The following LAMA4 variants were observed in gnomAD, a reference collection of about 807,000 sequenced individuals.
LAMA4 encodes laminin subunit alpha 4.
Under a neutral mutation model 207.1 loss-of-function variants are expected in LAMA4, and 127 were observed. The ratio of observed to expected loss-of-function variants is 0.61; its 90% CI spans 0.53 to 0.71. The LOEUF is 0.71. LAMA4 is among the 30% of genes least tolerant of loss of function. The probability of loss-of-function intolerance (pLI) is 0.00; values close to 1 mark genes in which losing one functional copy is unlikely to be tolerated. For synonymous variants in LAMA4, 761 were observed against 816.0 expected, an observed-to-expected ratio of 0.93 and a Z score of 1.15; for missense variants, 2,093 against 2,246.5, an observed-to-expected ratio of 0.93 and a Z score of 1.38.
chr6:112,161,065 G>C (rs1249123624), intron 13 of LAMA4, among the ~76,000 whole-genome samples: 1 of 151,808 alleles, frequency 6.6e-6, no homozygotes, highest in African/African-American at 2.4e-5. Context: ...AATTTTTTCT[G>C]GTCTCTTACC....
At chr6:112,128,353 A>T (rs938473275) in intron 31 of LAMA4, among the ~76,000 whole-genome samples, 47 of 152,266 alleles carry the variant, frequency 3.1e-4, no homozygotes, top group African/African-American at 1.1e-3. Flanking sequence ...CAAATACTGC[A>T]TGTTATCATA....
chr6:112,169,098 AG>A (rs1554341008), intron 12 of LAMA4, among the ~76,000 whole-genome samples: 1 of 152,226 alleles, frequency 6.6e-6, no homozygotes, highest in Non-Finnish European at 1.5e-5. Context: ...AAGCCATTGA[AG>A]GCATTTGATG....
chr6:112,132,825 A>G lies in LAMA4; in HGVS notation c.3762T>C (p.Phe1254=), dbSNP rs1779118187. 6.2e-7 allele frequency: 1 copy of G among 1,612,702 alleles called. No homozygotes were observed. Among genetic ancestry groups the G allele is most frequent in the Admixed American group, 1.7e-5 (1 of 59,968 alleles). The change falls in exon 28 of 39, where the codon TTT becomes TTC. Residue 1254 remains phenylalanine, a synonymous_variant. Coordinates refer to ENST00000230538, the MANE Select transcript of LAMA4 (RefSeq NM_001105206.3). ...AATTAAAACCTCCTTCAAAGCCATC[A>G]AAGAAAGATATTTTCTGAATTGAAG... ...FIASIQKISF[F]DGFEGGFNFR... is the part of the protein sequence containing the mutation.
intron 4 of LAMA4, 122 bp downstream of exon 4, chr6:112,206,899 C>G: frequency 8.7e-7 from 1 of 1,147,324 alleles, no homozygotes; most frequent in South Asian, 1.3e-5. Context: ...AGTCTCATCT[C>G]AATATGAGGT....
intron 2 of LAMA4, among the ~76,000 whole-genome samples, chr6:112,228,224 A>G (rs556677115): frequency 1.3e-5 from 2 of 152,340 alleles, no homozygotes; most frequent in East Asian, 3.9e-4. Flanking sequence ...GAAATGGGGG[A>G]ACCAGGAGAA....
chr6:112,165,347 A>G lies in LAMA4; in HGVS notation c.1552-71T>C, dbSNP rs574130469. 3.0e-5 allele frequency: 30 copies of G among 992,726 alleles called. No individual in the cohort carries two copies. The Admixed American group carries it at 5.1e-4, about 17-fold the overall frequency. The allele number at this position is 992,726 out of a possible 1,614,324, so 61.5% of individuals were successfully genotyped here. A position where few individuals can be genotyped will look rare whatever the true frequency, so the allele number is the denominator to read the frequency against. On this transcript the variant is annotated intron_variant, in intron 12 of 38. Coordinates refer to ENST00000230538, the MANE Select transcript of LAMA4 (RefSeq NM_001105206.3). Reference sequence around the variant, plus strand: ...GGGAAAGCGTTGGGGAGAGCAGTAAATGTCAACTTGCTCTCTTTGGACTCA... The same window carrying G: ...GGGAAAGCGTTGGGGAGAGCAGTAAGTGTCAACTTGCTCTCTTTGGACTCA...
chr6:112,234,805 T>G (rs1785788954), intron 2 of LAMA4: 1 of 152,218 alleles, frequency 6.6e-6, no homozygotes, highest in South Asian at 2.1e-4. Context: ...AGGAAAAATG[T>G]GCTTCATCTG....
intron 2 of LAMA4, among the ~76,000 whole-genome samples, chr6:112,231,628 A>G (rs972290891): frequency 6.6e-6 from 1 of 152,110 alleles, no homozygotes; most frequent in Non-Finnish European, 1.5e-5. Context: ...GGATCTGACA[A>G]TGGGCCCTGG....
At chr6:112,149,325 T>A (rs1183428564) in intron 17 of LAMA4, among the ~76,000 whole-genome samples, 1 of 152,126 alleles carries the variant, frequency 6.6e-6, no homozygotes, top group Non-Finnish European at 1.5e-5. Context: ...GTAGTGGTAC[T>A]TATCCCCATG....
chr6:112,229,610 C>T (rs1345481206), intron 2 of LAMA4, among the ~76,000 whole-genome samples: 1 of 152,164 alleles, frequency 6.6e-6, no homozygotes, highest in Non-Finnish European at 1.5e-5. Context: ...GACATAAGTG[C>T]TTCTTACAAG....
At position 112,117,691 on chromosome 6, in the gene LAMA4, C is replaced by T. The variant is rs781949085; in HGVS notation, c.4981+48G>A. ...CCTGATATTCCCTGTTAGCCATCTCCAGGAAGAAGCATTTCATGACTCATA... is the reference window on the plus strand; with the variant it reads ...CCTGATATTCCCTGTTAGCCATCTCTAGGAAGAAGCATTTCATGACTCATA... On this transcript the variant is annotated intron_variant, in intron 35 of 38. Coordinates refer to ENST00000230538, the MANE Select transcript of LAMA4 (RefSeq NM_001105206.3). The surrounding 1 kb of genome is among the most constrained non-coding windows in gnomAD (Gnocchi z 4.5). 1 of 1,567,986 alleles carries T rather than the reference C, an allele frequency of 6.4e-7. No individual in the cohort carries two copies. The highest frequency in any genetic ancestry group is 1.1e-5 in the South Asian group (1 of 89,150).
At chr6:112,212,516 G>T (rs1784408724) in intron 3 of LAMA4, among the ~76,000 whole-genome samples, 1 of 152,096 alleles carries the variant, frequency 6.6e-6, no homozygotes, top group Non-Finnish European at 1.5e-5. Context: ...GAGCCACCGT[G>T]CCCGGCCAGT....
chr6:112,160,426 A>G (rs1230135523), intron 13 of LAMA4, among the ~76,000 whole-genome samples: 2 of 150,752 alleles, frequency 1.3e-5, no homozygotes, highest in African/African-American at 4.9e-5. Context: ...ATGCTCAAGT[A>G]TCTCCCGTCA....
chr6:112,192,366 T>G (rs1368632052), intron 5 of LAMA4, among the ~76,000 whole-genome samples: 1 of 152,186 alleles, frequency 6.6e-6, no homozygotes, highest in African/African-American at 2.4e-5. Context: ...CTTGGGCTCT[T>G]GTTTGAGGGT....
intron 5 of LAMA4, among the ~76,000 whole-genome samples, chr6:112,193,336 G>A (rs1392946144): frequency 6.6e-6 from 1 of 152,022 alleles, no homozygotes; most frequent in Non-Finnish European, 1.5e-5. Context: ...TGTTGGCCTT[G>A]GGAGTGGAAA....
At chr6:112,219,105 A>T (rs1265278509) in intron 2 of LAMA4, 1 of 152,194 alleles carries the variant, frequency 6.6e-6, no homozygotes, top group Non-Finnish European at 1.5e-5. Context: ...GGCTCCAGTG[A>T]GTCCTGTTAT....
intron 13 of LAMA4, among the ~76,000 whole-genome samples, chr6:112,163,364 T>C (rs1554338958): frequency 2.0e-5 from 3 of 151,330 alleles, no homozygotes; most frequent in African/African-American, 7.3e-5. Context: ...CAGAAAAAAA[T>C]AAGAGACAGT....
rs782112966 is a variant in LAMA4 at position 112,118,114 on chromosome 6, T to C, written c.4822-216A>G. On this transcript the variant is annotated intron_variant, in intron 34 of 38. Transcript: ENST00000230538. The surrounding 1 kb of genome is among the most constrained non-coding windows in gnomAD (Gnocchi z 4.6). ...TTTGATAATGTCAACCTGTAGTAATTAAGCTATGGACATTTTTATGTTACA... is the reference window on the plus strand; with the variant it reads ...TTTGATAATGTCAACCTGTAGTAATCAAGCTATGGACATTTTTATGTTACA... 3.9e-5 allele frequency among the ~76,000 whole-genome samples: 6 copies of C among 152,216 alleles called. No homozygotes were observed. Among genetic ancestry groups the C allele is most frequent in the Non-Finnish European group, 5.9e-5 (4 of 68,032 alleles).
At chr6:112,132,922 T>C in intron 27 of LAMA4, 32 bp from the exon 28 acceptor site, 2 of 1,608,358 alleles carry the variant, frequency 1.2e-6, no homozygotes, top group Non-Finnish European at 1.7e-6. Context: ...GATAGTGTTT[T>C]TGAGAATTAT....
Sources: allele counts gnomAD v4.1 joint callset (sites outside exome capture counted in the v4.1 genomes callset), GRCh38; gene constraint gnomAD v4.1.1; non-coding constraint Gnocchi (gnomAD v3.1); transcripts MANE v1.5; gene names NCBI Gene and HGNC (gene_info 2026-07-23, HGNC 2026-07-21).